Variants in DPP6 observed in about 807,000 individuals in gnomAD.
DPP6 encodes A-type potassium channel modulatory protein DPP6.
DPP6 carries 69 observed loss-of-function variants against 122.6 expected under a neutral mutation model. The ratio of observed to expected loss-of-function variants is 0.56; its 90% CI spans 0.46 to 0.69. The LOEUF (loss-of-function observed/expected upper bound fraction) is 0.69, where lower values mean the gene tolerates loss of function less well. Ranked by LOEUF, DPP6 falls within the 30% of genes least tolerant of loss-of-function variation. DPP6 has a pLI of 0.00. For synonymous variants in DPP6, 418 were observed against 433.1 expected, an observed-to-expected ratio of 0.97 and a Z score of 0.43; for missense variants, 928 against 1,116.9, an observed-to-expected ratio of 0.83 and a Z score of 2.41.
chr7:154,078,358 A>ACACG (rs1803721661), intron 1 of DPP6, among the ~76,000 whole-genome samples: 1 of 72,940 alleles, frequency 1.4e-5, no homozygotes, highest in Admixed American at 1.1e-4. Flanking sequence ...ATGTACACAC[A>ACACG]CACACACACA....
chr7:154,344,496 G>T (rs1251846342), intron 1 of DPP6, among the ~76,000 whole-genome samples: 3 of 152,200 alleles, frequency 2.0e-5, no homozygotes, highest in Non-Finnish European at 4.4e-5. Flanking sequence ...CCACTATGGA[G>T]AGTAGTATGG....
the DPP6 span, among the ~76,000 whole-genome samples, chr7:153,749,803 C>T: frequency 2.0e-5 from 3 of 152,088 alleles, no homozygotes; most frequent in Non-Finnish European, 2.9e-5. The surrounding 1 kb of genome is among the most constrained non-coding windows in gnomAD (Gnocchi z 4.1). Flanking sequence ...ATAGGGAAGC[C>T]GCACAGCAAT....
At chr7:154,640,211 C>A (rs987715162) in intron 6 of DPP6, among the ~76,000 whole-genome samples, 4 of 151,996 alleles carry the variant, frequency 2.6e-5, no homozygotes, top group Non-Finnish European at 5.9e-5. Context: ...TGAGATTGCA[C>A]CACTGCACTC....
chr7:154,530,789 C>T (rs1827782871), intron 3 of DPP6, among the ~76,000 whole-genome samples: 1 of 152,134 alleles, frequency 6.6e-6, no homozygotes, highest in Non-Finnish European at 1.5e-5. Flanking sequence ...GGTACATATA[C>T]ACTATGGAAT....
intron 1 of DPP6, among the ~76,000 whole-genome samples, chr7:154,066,501 C>A (rs1365914171): frequency 6.6e-6 from 1 of 152,204 alleles, no homozygotes; most frequent in African/African-American, 2.4e-5. Context: ...CTGAGGGGCC[C>A]TGCAGGCATT....
intron 8 of DPP6, among the ~76,000 whole-genome samples, chr7:154,741,895 T>A (rs1259599683): frequency 6.6e-6 from 1 of 152,220 alleles, no homozygotes; most frequent in Non-Finnish European, 1.5e-5. Context: ...TGCATCTGTG[T>A]CTCCAGAAAC....
the DPP6 span, among the ~76,000 whole-genome samples, chr7:153,771,210 A>G: frequency 6.6e-6 from 1 of 152,254 alleles, no homozygotes; most frequent in East Asian, 1.9e-4. Flanking sequence ...TTGCTGAAGA[A>G]CAAAATATGA....
intron 8 of DPP6, among the ~76,000 whole-genome samples, chr7:154,757,072 GC>G (rs1389916936): frequency 1.3e-4 from 19 of 147,238 alleles, no homozygotes; most frequent in Admixed American, 1.2e-3. Flanking sequence ...ATCCCTCACG[GC>G]CCCTGAAGAA....
intron 7 of DPP6, among the ~76,000 whole-genome samples, chr7:154,718,900 A>C (rs1039225630): frequency 6.6e-6 from 1 of 152,036 alleles, no homozygotes; most frequent in Non-Finnish European, 1.5e-5. Context: ...TCGGCCTCCC[A>C]AAGTGAGTCT....
chr7:153,917,567 C>T (rs993980104), intron 1 of DPP6, among the ~76,000 whole-genome samples: 2 of 152,162 alleles, frequency 1.3e-5, no homozygotes, highest in African/African-American at 4.8e-5. Flanking sequence ...CCACATTTCT[C>T]TCTCTTACAG....
chr7:154,123,990 A>G (rs1018677824), intron 1 of DPP6, among the ~76,000 whole-genome samples: 9 of 151,028 alleles, frequency 6.0e-5, no homozygotes, highest in East Asian at 2.0e-4. Flanking sequence ...TGGGACAGAC[A>G]TGCTGCCCAC....
intron 1 of DPP6, among the ~76,000 whole-genome samples, chr7:154,235,686 TG>T (rs1301909462): frequency 6.6e-6 from 1 of 152,166 alleles, no homozygotes; most frequent in African/African-American, 2.4e-5. Flanking sequence ...CTAGAATCCC[TG>T]TTTTTCTTTT....
At position 153,999,917 on chromosome 7, in the gene DPP6, A is replaced by G. The variant is rs558475048; in HGVS notation, c.51+112183A>G. Among the ~76,000 whole-genome samples, 441 of 152,068 alleles carry G rather than the reference A, an allele frequency of 2.9e-3. 4 individuals carry two copies. Among genetic ancestry groups the G allele is most frequent in the African/African-American group, 9.9e-3 (412 of 41,450 alleles). On this transcript the variant is annotated intron_variant, in intron 1 of 25. Transcript: ENST00000404039. ...GGAGGTTACAGTGAGCCAAGATCGC[A>G]CCACTGCACTCCAGCCTGGGTGACA...
the DPP6 span, among the ~76,000 whole-genome samples, chr7:153,873,804 G>A: frequency 5.3e-5 from 8 of 152,226 alleles, no homozygotes; most frequent in East Asian, 1.2e-3. Flanking sequence ...GAGGACTTGT[G>A]TCTTCATGTC....
intron 1 of DPP6, among the ~76,000 whole-genome samples, chr7:153,969,807 C>G (rs1180286374): frequency 6.6e-6 from 1 of 151,086 alleles, no homozygotes; most frequent in South Asian, 2.1e-4. Flanking sequence ...TCCTTAAAAA[C>G]AGCTTCCCTC....
intron 1 of DPP6, among the ~76,000 whole-genome samples, chr7:154,079,776 C>G (rs562259785): frequency 6.6e-6 from 1 of 152,110 alleles, no homozygotes; most frequent in East Asian, 1.9e-4. Context: ...CCCAGATGGA[C>G]CCTTCGATGT....
At chr7:154,488,800 TG>T in intron 3 of DPP6, among the ~76,000 whole-genome samples, 1 of 152,268 alleles carries the variant, frequency 6.6e-6, no homozygotes, top group East Asian at 1.9e-4. Flanking sequence ...TTTAAATATT[TG>T]GGGTGTGATA....
intron 1 of DPP6, among the ~76,000 whole-genome samples, chr7:153,968,188 C>G (rs1266701607): frequency 2.7e-5 from 4 of 149,914 alleles, no homozygotes; most frequent in Non-Finnish European, 5.9e-5. Flanking sequence ...GAGCTTTGCT[C>G]TGTAGCCTTG....
intron 3 of DPP6, among the ~76,000 whole-genome samples, chr7:154,527,456 ATGTTGAC>A (rs1475647221): frequency 6.6e-6 from 1 of 152,232 alleles, no homozygotes; most frequent in African/African-American, 2.4e-5. Context: ...CATAATATTG[ATGTTGAC>A]TGTCTTAAGA....
Sources: allele counts gnomAD v4.1 joint callset (sites outside exome capture counted in the v4.1 genomes callset), GRCh38; gene constraint gnomAD v4.1.1; non-coding constraint Gnocchi (gnomAD v3.1); transcripts MANE v1.5; gene names NCBI Gene and HGNC (gene_info 2026-07-23, HGNC 2026-07-21).